The following NENF variants were observed in gnomAD, a reference collection of about 807,000 sequenced individuals.
NENF encodes neudesin.
Under a neutral mutation model 14.8 loss-of-function variants are expected in NENF, and 6 were observed. The ratio of observed to expected loss-of-function variants is 0.40; its 90% CI spans 0.22 to 0.80. The LOEUF is 0.80. Ranked by LOEUF, NENF falls within the 30% of genes least tolerant of loss-of-function variation. The pLI is 0.34. For synonymous variants in NENF, 76 were observed against 95.1 expected (o/e 0.80, Z 1.17); for missense variants, 184 against 212.7 (o/e 0.87, Z 0.84).
In NENF at chr1:212,446,322, A is replaced by G; in HGVS notation, c.*316A>G. The G allele has an allele frequency of 7.3e-6, 2 of 273,248 alleles. No homozygotes were observed. Among genetic ancestry groups the G allele is most frequent in the Non-Finnish European group, 6.9e-6 (1 of 145,892 alleles). 16.9% of individuals were successfully genotyped at this position (273,248 alleles called of 1,614,324 possible). A position where few individuals can be genotyped will look rare whatever the true frequency, so the allele number is the denominator to read the frequency against. On this transcript the variant is annotated 3_prime_UTR_variant, in exon 4 of 4. Transcript: ENST00000366988. ...TTCTGTGCTTGACAGATTTTCAGCCATGACCATGTTCACTTTATAATCAAA... is the reference window on the plus strand; with the variant it reads ...TTCTGTGCTTGACAGATTTTCAGCCGTGACCATGTTCACTTTATAATCAAA...
At position 212,442,389 on chromosome 1, in the gene NENF, G is replaced by A. The variant is rs187533567; in HGVS notation, c.178-176G>A. Among the ~76,000 whole-genome samples the A allele has an allele frequency of 3.3e-5, 5 of 152,226 alleles. No individual in the cohort carries two copies. Among genetic ancestry groups the A allele is most frequent in the Admixed American group, 6.5e-5 (1 of 15,286 alleles). The stretch of plus-strand genomic sequence containing the variant: ...ATGACTTTTCCAAATTTCTGTGTGC[G>A]GGCATGACGCTGCCCAGGCAGGTGG... On this transcript the variant is annotated intron_variant, in intron 1 of 3. Coordinates refer to ENST00000366988, the MANE Select transcript of NENF (RefSeq NM_013349.5).
chr1:212,441,912 G>A (rs1205035043), intron 1 of NENF, among the ~76,000 whole-genome samples: 2 of 152,234 alleles, frequency 1.3e-5, no homozygotes, highest in African/African-American at 2.4e-5. Context: ...AGTCACATCC[G>A]TGTATGTCTA....
chr1:212,435,948 T>C (rs537096761), intron 1 of NENF, among the ~76,000 whole-genome samples: 1 of 152,298 alleles, frequency 6.6e-6, no homozygotes, highest in South Asian at 2.1e-4. Flanking sequence ...CTTACAGTAA[T>C]GTAAGCTAGA....
chr1:212,433,244 G>T lies in NENF; in HGVS notation c.177+124G>T. The T allele has an allele frequency of 3.9e-6, 2 of 510,294 alleles. No homozygotes were observed. The highest frequency in any genetic ancestry group is 5.6e-6 in the Non-Finnish European group (2 of 358,618). 31.6% of individuals were successfully genotyped at this position (510,294 alleles called of 1,614,324 possible). On this transcript the variant is annotated intron_variant, in intron 1 of 3. Transcript: ENST00000366988. The surrounding 1 kb of genome is among the most constrained non-coding windows in gnomAD (Gnocchi z 5.5). Reference sequence around the variant, plus strand: ...GGGGGACGCGCGGCCCGCGGCGGGCGCCCTGGGCCGGCGGGGGGCCTCCTC... The same window carrying T: ...GGGGGACGCGCGGCCCGCGGCGGGCTCCCTGGGCCGGCGGGGGGCCTCCTC...
intron 3 of NENF, among the ~76,000 whole-genome samples, chr1:212,444,834 T>TA (rs929528590): frequency 1.3e-5 from 2 of 152,150 alleles, no homozygotes; most frequent in African/African-American, 4.8e-5. Flanking sequence ...CTCAGCCCCT[T>TA]ACAGCCTTGC....
intron 2 of NENF, 91 bp from the exon 3 acceptor site, chr1:212,444,248 G>T: frequency 1.4e-6 from 1 of 725,868 alleles, no homozygotes; most frequent in Non-Finnish European, 2.2e-6. Flanking sequence ...TTAGGATTGG[G>T]TGCGGGCCTT....
At chr1:212,444,295 C>T (rs907602131) in intron 2 of NENF, 44 bp from the exon 3 acceptor site, 2 of 1,382,844 alleles carry the variant, frequency 1.4e-6, no homozygotes, top group Middle Eastern at 2.2e-4. Context: ...GGTTACTCTG[C>T]ATGTAAACCC....
At chr1:212,443,637 A>T (rs762828997) in intron 2 of NENF, among the ~76,000 whole-genome samples, 5 of 151,994 alleles carry the variant, frequency 3.3e-5, no homozygotes, top group Non-Finnish European at 7.4e-5. Context: ...TGATCTGCCC[A>T]TCTTGGCTTC....
intron 3 of NENF, 71 bp downstream of exon 3, chr1:212,444,513 CTTTTCGTGTGTGTGTGT>C: frequency 1.1e-6 from 1 of 949,538 alleles, no homozygotes; most frequent in South Asian, 1.9e-5. Flanking sequence ...TTTTCTTTTT[CTTTTCGTGTGTGTGTGT>C]GTGTGTGTGT....
At chr1:212,434,231 G>A (rs1662569823) in intron 1 of NENF, among the ~76,000 whole-genome samples, 5 of 152,106 alleles carry the variant, frequency 3.3e-5, no homozygotes, top group Admixed American at 3.3e-4. Context: ...CTTTTTGCCG[G>A]TAGCAGAGGG....
rs1004941928 is a variant in NENF, at chr1:212,446,149, C to T, written c.*143C>T. On this transcript the variant is annotated 3_prime_UTR_variant, in exon 4 of 4. Transcript: ENST00000366988. ...ATGCTTACCCTGGAAGAGCAAATGC[C>T]TCCTGTTGTCCTTGGTCAGGGGTTC... 5 of 772,650 alleles carry T rather than the reference C, an allele frequency of 6.5e-6. No homozygotes were observed. The African/African-American group carries it at 7.0e-5, about 11-fold the overall frequency. The allele number at this position is 772,650 out of a possible 1,614,324, so 47.9% of individuals were successfully genotyped here.
chr1:212,441,033 A>G (rs1662691300), intron 1 of NENF, among the ~76,000 whole-genome samples: 1 of 151,844 alleles, frequency 6.6e-6, no homozygotes, highest in African/African-American at 2.4e-5. Flanking sequence ...CCTGAGCCCA[A>G]CTTGATGGAA....
chr1:212,433,495 G>A lies in NENF; in HGVS notation c.177+375G>A, dbSNP rs1483149337. Among the ~76,000 whole-genome samples the A allele has an allele frequency of 6.6e-6, 1 of 152,096 alleles. No individual in the cohort carries two copies. Among genetic ancestry groups the A allele is most frequent in the Non-Finnish European group, 1.5e-5 (1 of 67,984 alleles). The stretch of plus-strand genomic sequence containing the variant: ...GTGCCCACGCATAGTGGGGAGTGGC[G>A]GGGGACGGAGGGAGGGAAGCAGAGC... On this transcript the variant is annotated intron_variant, in intron 1 of 3. Transcript: ENST00000366988. This position sits in a 1 kb window ranked among gnomAD's most constrained non-coding sequence, Gnocchi z 5.5.
rs1662540201 is a variant in NENF, at chr1:212,432,935, G to GCGCTCA, written c.-7_-2dup. The GCGCTCA allele has an allele frequency of 5.4e-6, 4 of 744,210 alleles. No homozygotes were observed. In the Admixed American group the frequency reaches 2.2e-4, roughly 41 times the overall value. 46.1% of individuals were successfully genotyped at this position (744,210 alleles called of 1,614,324 possible). On this transcript the variant is annotated 5_prime_UTR_variant, in exon 1 of 4. Coordinates refer to ENST00000366988, the MANE Select transcript of NENF (RefSeq NM_013349.5). ...CTGGCCCGGCCTTGCCTTGCGCTGC[G>GCGCTCA]CGCTCACCATGGTGGGCCCCGCGCC...
At chr1:212,444,482 C>A in intron 3 of NENF, 40 bp downstream of exon 3, 2 of 1,363,774 alleles carry the variant, frequency 1.5e-6, no homozygotes, top group East Asian at 2.4e-5. Flanking sequence ...CCTCTACCTC[C>A]TTGTCCATGC....
rs1241711685 is a variant in NENF at position 212,445,879 on chromosome 1, A to C, written c.392A>C (p.Lys131Thr). 1.2e-6 allele frequency: 2 copies of C among 1,614,176 alleles called. No homozygotes were observed. ...ELEALDEVFT[K>T]VYKAKYPIVG... is the part of the protein sequence containing the mutation. ...GAGGCCCTGGATGAGGTCTTCACCA[A>C]AGTGTACAAAGCCAAATACCCCATC... Residue 131 changes from lysine to threonine, a missense_variant, in exon 4 of 4, where the codon AAA becomes ACA. Lys to Thr is a moderately conservative substitution (Grantham distance 78). Coordinates refer to ENST00000366988, the MANE Select transcript of NENF (RefSeq NM_013349.5).
chr1:212,433,682 C>T lies in NENF; in HGVS notation c.177+562C>T, dbSNP rs571671424. ...GGGCTCAGCCAAAGCTGGAAGTGAG[C>T]GCAGAGGGTGGACTGGAGGTTAGAG... On this transcript the variant is annotated intron_variant, in intron 1 of 3. Transcript: ENST00000366988. The surrounding 1 kb of genome is among the most constrained non-coding windows in gnomAD (Gnocchi z 5.5). Among the ~76,000 whole-genome samples, 4 of 152,070 alleles carry T rather than the reference C, an allele frequency of 2.6e-5. No individual in the cohort carries two copies. The highest frequency in any genetic ancestry group is 2.0e-4 in the Admixed American group (3 of 15,272).
chr1:212,433,367 G>A lies in NENF; in HGVS notation c.177+247G>A, dbSNP rs552938481. On this transcript the variant is annotated intron_variant, in intron 1 of 3. Transcript: ENST00000366988. This position sits in a 1 kb window ranked among gnomAD's most constrained non-coding sequence, Gnocchi z 5.5. ...ACACCCCACCCTGAACTTCTCCCTC[G>A]GTCCCCGGGAGATTTCCCCTCTAGC... 3.3e-5 allele frequency among the ~76,000 whole-genome samples: 5 copies of A among 152,182 alleles called. No homozygotes were observed. The South Asian group carries it at 1.0e-3, about 32-fold the overall frequency.
intron 1 of NENF, among the ~76,000 whole-genome samples, chr1:212,442,299 A>G (rs1005791157): frequency 6.6e-6 from 1 of 152,350 alleles, no homozygotes; most frequent in African/African-American, 2.4e-5. Flanking sequence ...GGCGTGAGTC[A>G]CTGTGCCTGG....
Sources: allele counts gnomAD v4.1 joint callset (sites outside exome capture counted in the v4.1 genomes callset), GRCh38; gene constraint gnomAD v4.1.1; non-coding constraint Gnocchi (gnomAD v3.1); transcripts MANE v1.5; gene names NCBI Gene and HGNC (gene_info 2026-07-23, HGNC 2026-07-21).